Variants in LIPI observed in about 807,000 individuals in gnomAD.
LIPI encodes lipase member I.
Under a neutral mutation model 50.6 loss-of-function variants are expected in LIPI, and 59 were observed. The observed-to-expected ratio is 1.16, with a 90% confidence interval of 0.94 to 1.45. LIPI has a LOEUF of 1.45. LIPI is among the 40% of genes most tolerant of loss of function. The pLI is 0.00. For missense variants in LIPI, 586 were observed against 536.3 expected, an observed-to-expected ratio of 1.09 and a Z score of -0.92; for synonymous variants, 203 against 178.2, an observed-to-expected ratio of 1.14 and a Z score of -1.11.
intron 1 of LIPI, among the ~76,000 whole-genome samples, chr21:14,203,830 C>A (rs796429232): frequency 1.4e-5 from 2 of 147,104 alleles, no homozygotes; most frequent in East Asian, 2.0e-4. Flanking sequence ...TGCACATGTA[C>A]CCTAAAACTT....
At chr21:14,210,621 GCA>G (rs1172611375) in intron 1 of LIPI, among the ~76,000 whole-genome samples, 177 bp downstream of exon 1, 2 of 151,432 alleles carry the variant, frequency 1.3e-5, no homozygotes, top group East Asian at 1.9e-4. Context: ...ACAAACACAT[GCA>G]CACACACACG....
At chr21:14,209,401 C>G (rs1017465250) in intron 1 of LIPI, among the ~76,000 whole-genome samples, 1 of 152,058 alleles carries the variant, frequency 6.6e-6, no homozygotes, top group East Asian at 1.9e-4. Context: ...AAGAAAGGAG[C>G]ATGTGTAATA....
intron 9 of LIPI, among the ~76,000 whole-genome samples, chr21:14,125,885 G>A (rs2017044832): frequency 6.6e-6 from 1 of 152,116 alleles, no homozygotes; most frequent in South Asian, 2.1e-4. Context: ...AACTATATCA[G>A]TAGTGACATT....
chr21:14,163,655 A>G (rs2018573866), intron 6 of LIPI, 132 bp from the exon 7 acceptor site: 1 of 630,136 alleles, frequency 1.6e-6, no homozygotes, highest in African/African-American at 1.8e-5. Context: ...ATAACTTAAA[A>G]AGCATTTTTT....
intron 1 of LIPI, among the ~76,000 whole-genome samples, chr21:14,204,672 A>G (rs868328057): frequency 6.6e-6 from 1 of 152,060 alleles, no homozygotes; most frequent in Non-Finnish European, 1.5e-5. Flanking sequence ...CCATAAATAT[A>G]TCATTTTAAC....
At chr21:14,168,112 T>C (rs961859162) in intron 4 of LIPI, among the ~76,000 whole-genome samples, 1 of 151,914 alleles carries the variant, frequency 6.6e-6, no homozygotes, top group Non-Finnish European at 1.5e-5. Context: ...AGAAAGGGTA[T>C]CAGTGATGGA....
chr21:14,200,451 T>C (rs1373705108), intron 1 of LIPI, among the ~76,000 whole-genome samples: 1 of 152,038 alleles, frequency 6.6e-6, no homozygotes, highest in Non-Finnish European at 1.5e-5. Flanking sequence ...ATTATTCCTA[T>C]ACACCAACAA....
intron 1 of LIPI, among the ~76,000 whole-genome samples, chr21:14,197,372 T>C (rs776421172): frequency 5.3e-5 from 8 of 152,086 alleles, no homozygotes; most frequent in Non-Finnish European, 1.2e-4. Context: ...CTAAAAATCA[T>C]GATAAAATGT....
In LIPI at chr21:14,150,949, A is replaced by G. The variant is rs536457463; in HGVS notation, c.1118+1624T>C. Among the ~76,000 whole-genome samples the G allele has an allele frequency of 1.8e-4, 27 of 152,308 alleles. No homozygotes were observed. The South Asian group carries it at 5.4e-3, about 30-fold the overall frequency. ...CTATACGACTGTTAAATCATCTGCAATGTCTTTATTAACTTTAAGAAAATT... is the reference window on the plus strand; with the variant it reads ...CTATACGACTGTTAAATCATCTGCAGTGTCTTTATTAACTTTAAGAAAATT... On this transcript the variant is annotated intron_variant, in intron 8 of 9. Transcript: ENST00000681601.
At chr21:14,178,536 T>C (rs925228076) in intron 4 of LIPI, among the ~76,000 whole-genome samples, 38 of 152,330 alleles carry the variant, frequency 2.5e-4, no homozygotes, top group African/African-American at 7.5e-4. Context: ...AGAACTTTCA[T>C]TATTTTTGTC....
At chr21:14,176,649 A>G (rs542173804) in intron 4 of LIPI, among the ~76,000 whole-genome samples, 91 of 147,740 alleles carry the variant, frequency 6.2e-4, no homozygotes, top group African/African-American at 2.2e-3. Flanking sequence ...AAAGATTATG[A>G]TTTCTACACT....
At chr21:14,129,366 A>C (rs577239756) in intron 9 of LIPI, among the ~76,000 whole-genome samples, 2 of 152,278 alleles carry the variant, frequency 1.3e-5, no homozygotes, top group African/African-American at 2.4e-5. Context: ...TATTTGTAAT[A>C]TATCTTAATC....
Position 14,123,430 on chromosome 21 carries a change from A to G in LIPI, c.1296-14350T>C, listed in dbSNP as rs2822423. 8.1e-3 allele frequency among the ~76,000 whole-genome samples: 1,239 copies of G among 152,254 alleles called. 51 individuals carry two copies. The highest frequency in any genetic ancestry group is 0.067 in the Admixed American group (1,023 of 15,284). On this transcript the variant is annotated intron_variant, in intron 9 of 9. Coordinates refer to ENST00000681601, the MANE Select transcript of LIPI (RefSeq NM_001302998.2). Reference sequence around the variant, plus strand: ...TCTGTAAGACAAAAGCCTACCAACTATTGCCCGAGAAGTGGACTGGAGCCT... The same window carrying G: ...TCTGTAAGACAAAAGCCTACCAACTGTTGCCCGAGAAGTGGACTGGAGCCT...
intron 9 of LIPI, among the ~76,000 whole-genome samples, chr21:14,130,678 A>G (rs2017258568): frequency 6.6e-6 from 1 of 152,180 alleles, no homozygotes; most frequent in Admixed American, 6.5e-5. Flanking sequence ...GTTTGAGGAG[A>G]TGCAGCTGCA....
At chr21:14,116,934 A>G (rs1306643948) in intron 9 of LIPI, among the ~76,000 whole-genome samples, 1 of 152,126 alleles carries the variant, frequency 6.6e-6, no homozygotes, top group Non-Finnish European at 1.5e-5. Flanking sequence ...TTATGTTCTA[A>G]TTTATCCATC....
At chr21:14,189,969 C>T (rs2019614094) in intron 1 of LIPI, among the ~76,000 whole-genome samples, 1 of 151,966 alleles carries the variant, frequency 6.6e-6, no homozygotes, top group Non-Finnish European at 1.5e-5. Flanking sequence ...CATGTGTGTG[C>T]TTACTGTACA....
At chr21:14,187,656 T>C (rs2019501410) in intron 2 of LIPI, among the ~76,000 whole-genome samples, 1 of 152,106 alleles carries the variant, frequency 6.6e-6, no homozygotes, top group South Asian at 2.1e-4. Context: ...TAATTAATAG[T>C]CTGTTGGTGG....
intron 9 of LIPI, among the ~76,000 whole-genome samples, chr21:14,130,615 C>T (rs1031342711): frequency 1.2e-4 from 18 of 152,198 alleles, no homozygotes; most frequent in African/African-American, 4.3e-4. Flanking sequence ...CAAGCCCACA[C>T]CTAGCATCAT....
intron 1 of LIPI, among the ~76,000 whole-genome samples, chr21:14,205,434 C>A: frequency 6.6e-6 from 1 of 151,736 alleles, no homozygotes; most frequent in South Asian, 2.1e-4. Flanking sequence ...ACACATGAAC[C>A]ATATGAATAT....
Sources: allele counts gnomAD v4.1 joint callset (sites outside exome capture counted in the v4.1 genomes callset), GRCh38; gene constraint gnomAD v4.1.1; transcripts MANE v1.5; gene names NCBI Gene and HGNC (gene_info 2026-07-23, HGNC 2026-07-21).